The following OSBPL1A variants were observed in gnomAD, a reference collection of about 807,000 sequenced individuals.
OSBPL1A encodes the protein oxysterol-binding protein-related protein 1.
A neutral mutation model predicts 137.1 loss-of-function variants in OSBPL1A; 80 were observed. The ratio of observed to expected loss-of-function variants is 0.58; its 90% confidence interval spans 0.49 to 0.70. OSBPL1A has a LOEUF of 0.70. Among genes scored for constraint, OSBPL1A ranks in the 30% least tolerant of loss-of-function variants. The pLI is 0.00. For missense variants in OSBPL1A, 970 were observed against 1,129.4 expected, an observed-to-expected ratio of 0.86 and a Z score of 2.02; for synonymous variants, 365 against 389.7, an observed-to-expected ratio of 0.94 and a Z score of 0.75.
intron 15 of OSBPL1A, among the ~76,000 whole-genome samples, chr18:24,256,600 G>A (rs1179298995): frequency 2.6e-5 from 4 of 152,172 alleles, no homozygotes; most frequent in African/African-American, 9.7e-5. Context: ...ACATGGTACT[G>A]TTAGTCCTAG....
rs141036271 is a variant in OSBPL1A at position 24,338,869 on chromosome 18, G to A, written c.394+2678C>T. On this transcript the variant is annotated intron_variant, in intron 5 of 27. Transcript: ENST00000319481. Reference sequence around the variant, plus strand: ...GCTGGGACTACAACTGCCTGCCACCGTGCCCAGCTAATTTTTGTATTTTTA... The same window carrying A: ...GCTGGGACTACAACTGCCTGCCACCATGCCCAGCTAATTTTTGTATTTTTA... 2.9e-3 allele frequency among the ~76,000 whole-genome samples: 434 copies of A among 151,990 alleles called. 2 individuals carry two copies. The highest frequency in any genetic ancestry group is 0.01 in the African/African-American group (421 of 41,442).
In OSBPL1A at chr18:24,334,281, T is replaced by C. The variant is rs747613140; in HGVS notation, c.444A>G (p.Ala148=). ...QRKLEELLLA[A]AREGKTTELT... is the part of the protein sequence containing the mutation. ...GTTCTGTTGTTTTGCCTTCTCTTGCTGCTGCTAAAAGTAATTCTTCAAGCT... is the reference window on the plus strand; with the variant it reads ...GTTCTGTTGTTTTGCCTTCTCTTGCCGCTGCTAAAAGTAATTCTTCAAGCT... The change falls in exon 6 of 28, where the codon GCA becomes GCG. Residue 148 remains alanine, a synonymous_variant. Transcript: ENST00000319481. 1.2e-6 allele frequency: 2 copies of C among 1,612,382 alleles called. No homozygotes were observed. Among genetic ancestry groups the C allele is most frequent in the East Asian group, 4.5e-5 (2 of 44,704 alleles).
intron 17 of OSBPL1A, among the ~76,000 whole-genome samples, chr18:24,199,667 C>G (rs1238094376): frequency 6.6e-6 from 1 of 152,194 alleles, no homozygotes; most frequent in Non-Finnish European, 1.5e-5. Context: ...TTAGTTTATT[C>G]TGTGCTACTC....
chr18:24,174,768 T>C (rs2086379956), intron 21 of OSBPL1A, among the ~76,000 whole-genome samples: 1 of 152,112 alleles, frequency 6.6e-6, no homozygotes, highest in African/African-American at 2.4e-5. Flanking sequence ...AACATCTTTT[T>C]AAATTTTTAT....
At chr18:24,233,546 G>A (rs180731161) in intron 16 of OSBPL1A, among the ~76,000 whole-genome samples, 17 of 152,238 alleles carry the variant, frequency 1.1e-4, no homozygotes, top group African/African-American at 3.1e-4. Context: ...ACCTGCATTC[G>A]ACAAGCATTT....
intron 4 of OSBPL1A, among the ~76,000 whole-genome samples, chr18:24,348,049 A>G (rs1245743180): frequency 1.3e-5 from 2 of 152,146 alleles, no homozygotes; most frequent in African/African-American, 4.8e-5. Flanking sequence ...TTAAAAACTC[A>G]GCTACCAAAA....
At chr18:24,308,128 T>C (rs1326128306) in intron 13 of OSBPL1A, among the ~76,000 whole-genome samples, 1 of 148,226 alleles carries the variant, frequency 6.7e-6, no homozygotes, top group East Asian at 2.0e-4. Context: ...TTTTTTTTTT[T>C]TTTTTGAGAC....
At chr18:24,299,306 T>C (rs947624539) in intron 14 of OSBPL1A, among the ~76,000 whole-genome samples, 1 of 152,112 alleles carries the variant, frequency 6.6e-6, no homozygotes, top group Non-Finnish European at 1.5e-5. Flanking sequence ...TTTTTTTTCA[T>C]TGTGTTATTG....
intron 6 of OSBPL1A, among the ~76,000 whole-genome samples, 159 bp from the exon 7 acceptor site, chr18:24,333,245 C>T (rs2091116041): frequency 6.6e-6 from 1 of 152,190 alleles, no homozygotes; most frequent in Non-Finnish European, 1.5e-5. Context: ...CCAACCCTGC[C>T]ACACCCATGC....
At chr18:24,375,420 C>G (rs1320284248) in intron 2 of OSBPL1A, among the ~76,000 whole-genome samples, 4 of 151,622 alleles carry the variant, frequency 2.6e-5, no homozygotes, top group Non-Finnish European at 5.9e-5. Context: ...AATACCAGAG[C>G]CATTTTGAGA....
intron 15 of OSBPL1A, among the ~76,000 whole-genome samples, chr18:24,260,920 TA>T (rs1323405085): frequency 6.8e-6 from 1 of 146,272 alleles, no homozygotes; most frequent in East Asian, 2.0e-4. Context: ...ATAAGAAAAA[TA>T]AAAGCTTATG....
chr18:24,264,457 T>G (rs973517289), intron 15 of OSBPL1A, among the ~76,000 whole-genome samples: 14 of 152,164 alleles, frequency 9.2e-5, no homozygotes, highest in Non-Finnish European at 1.9e-4. Context: ...AGGGCCATTT[T>G]TCTGAAAAAT....
At chr18:24,323,111 T>C (rs2090896300) in intron 7 of OSBPL1A, among the ~76,000 whole-genome samples, 1 of 152,124 alleles carries the variant, frequency 6.6e-6, no homozygotes, top group Admixed American at 6.6e-5. Flanking sequence ...CAGATAAGGA[T>C]GTCAAAGAAA....
chr18:24,367,083 T>A, intron 3 of OSBPL1A, 117 bp from the exon 4 acceptor site: 1 of 753,586 alleles, frequency 1.3e-6, no homozygotes, highest in Non-Finnish European at 1.9e-6. Flanking sequence ...GTGTCAGTAC[T>A]AACAATAAAT....
At chr18:24,302,487 G>C (rs1345635660) in intron 14 of OSBPL1A, 1 of 151,534 alleles carries the variant, frequency 6.6e-6, no homozygotes, top group Non-Finnish European at 1.5e-5. Flanking sequence ...GCAGTGGCGC[G>C]ATCTTGGGTC....
Position 24,377,402 on chromosome 18 carries a change from T to A in OSBPL1A, c.121+11A>T, listed in dbSNP as rs2146205300. 2 of 1,599,786 alleles carry A rather than the reference T, an allele frequency of 1.3e-6. No homozygotes were observed. The highest frequency in any genetic ancestry group is 1.1e-5 in the South Asian group (1 of 87,632). Reference sequence around the variant, plus strand: ...CATAAGAGAAAGCTACAAAATCCATTCAAAGTTTACCTTTGCAATTAATGT... The same window carrying A: ...CATAAGAGAAAGCTACAAAATCCATACAAAGTTTACCTTTGCAATTAATGT... On this transcript the variant is annotated intron_variant, in intron 2 of 27. Coordinates refer to ENST00000319481, the MANE Select transcript of OSBPL1A (RefSeq NM_080597.4).
chr18:24,364,648 TG>T (rs1182944728), intron 4 of OSBPL1A: 1 of 151,966 alleles, frequency 6.6e-6, no homozygotes, highest in Non-Finnish European at 1.5e-5. Flanking sequence ...ATATATTAGC[TG>T]GCCAGACTCA....
At chr18:24,339,453 A>G (rs1168481465) in intron 5 of OSBPL1A, among the ~76,000 whole-genome samples, 1 of 152,170 alleles carries the variant, frequency 6.6e-6, no homozygotes, top group African/African-American at 2.4e-5. Context: ...TCTGTTTCCC[A>G]AGCTAAGACC....
intron 15 of OSBPL1A, among the ~76,000 whole-genome samples, chr18:24,240,613 A>G (rs1189509298): frequency 6.6e-6 from 1 of 152,188 alleles, no homozygotes; most frequent in Non-Finnish European, 1.5e-5. Flanking sequence ...GTCTTCTCAG[A>G]AGTCTCTTGT....
Sources: gnomAD v4.1 joint callset for allele counts (sites outside exome capture counted in the v4.1 genomes callset) on GRCh38, gnomAD v4.1.1 for gene constraint, MANE v1.5 for transcripts, NCBI Gene and HGNC (gene_info 2026-07-23, HGNC 2026-07-21) for gene names.